SPMIP2: variants seen among roughly 807,000 people sequenced by gnomAD.
The protein encoded by SPMIP2 is sperm microtubule inner protein 2, also known as protein SPMIP2.
chr4:158,948,698 G>A, the SPMIP2 span, among the ~76,000 whole-genome samples: 3 of 151,004 alleles, frequency 2.0e-5, no homozygotes, highest in Non-Finnish European at 4.4e-5. Flanking sequence ...TGGCAGCTTC[G>A]ATCTCCCAAA....
At chr4:158,988,584 C>G in the SPMIP2 span, among the ~76,000 whole-genome samples, 1 of 152,216 alleles carries the variant, frequency 6.6e-6, no homozygotes, top group South Asian at 2.1e-4. Context: ...CTGGTTCAAC[C>G]TACACAAATC....
At chr4:158,995,978 G>A in the SPMIP2 span, among the ~76,000 whole-genome samples, 27 of 151,618 alleles carry the variant, frequency 1.8e-4, no homozygotes, top group East Asian at 1.9e-4. Context: ...TTTCCTAGCC[G>A]TTTCGTGACT....
At chr4:158,937,252 A>G in the SPMIP2 span, among the ~76,000 whole-genome samples, 1 of 152,246 alleles carries the variant, frequency 6.6e-6, no homozygotes, top group Non-Finnish European at 1.5e-5. Flanking sequence ...TCAAAACAGG[A>G]AGTTATCTTT....
chr4:158,904,775 C>A, the SPMIP2 span: 1 of 495,354 alleles, frequency 2.0e-6, no homozygotes, highest in Non-Finnish European at 3.6e-6. Context: ...CATTTGTTAC[C>A]CATGAATCAA....
At chr4:159,020,495 C>A in the SPMIP2 span, among the ~76,000 whole-genome samples, 1 of 152,170 alleles carries the variant, frequency 6.6e-6, no homozygotes, top group African/African-American at 2.4e-5. Context: ...GGAGATGTGA[C>A]AAAGTGAGTG....
At chr4:158,896,232 C>G in the SPMIP2 span, among the ~76,000 whole-genome samples, 1 of 152,162 alleles carries the variant, frequency 6.6e-6, no homozygotes, top group African/African-American at 2.4e-5. Flanking sequence ...TTACATTTCA[C>G]TTCCTGGAGG....
chr4:158,893,621 A>G, the SPMIP2 span: 1 of 1,258,706 alleles, frequency 7.9e-7, no homozygotes, highest in Non-Finnish European at 1.1e-6. Context: ...GCACTTGTGG[A>G]TTATTATGAT....
chr4:159,026,405 A>C, the SPMIP2 span: 3 of 970,498 alleles, frequency 3.1e-6, no homozygotes, highest in Non-Finnish European at 4.8e-6. Flanking sequence ...TCATTGGTTC[A>C]GCATCAGGAG....
At chr4:159,075,537 C>T in the SPMIP2 span, among the ~76,000 whole-genome samples, 1 of 152,140 alleles carries the variant, frequency 6.6e-6, no homozygotes, top group African/African-American at 2.4e-5. Context: ...AAAGAGACAG[C>T]GTGGCATAAT....
chr4:159,077,115 C>T, the SPMIP2 span, among the ~76,000 whole-genome samples: 23 of 149,484 alleles, frequency 1.5e-4, no homozygotes, highest in South Asian at 4.3e-4. Context: ...GGATTACAGG[C>T]GCGAGCCACT....
At chr4:159,026,318 G>A in the SPMIP2 span, 9 of 607,780 alleles carry the variant, frequency 1.5e-5, no homozygotes, top group South Asian at 6.1e-5. Flanking sequence ...CAGTTTTCTC[G>A]TACCCTGGGA....
At chr4:159,038,231 A>G in the SPMIP2 span, among the ~76,000 whole-genome samples, 1 of 152,236 alleles carries the variant, frequency 6.6e-6, no homozygotes, top group Admixed American at 6.5e-5. Flanking sequence ...CCCTGCCACC[A>G]TCATGGTTAT....
the SPMIP2 span, among the ~76,000 whole-genome samples, chr4:159,078,541 A>G: frequency 1.3e-5 from 2 of 152,220 alleles, no homozygotes; most frequent in South Asian, 2.1e-4. Context: ...TAAGTTGGTC[A>G]GCACTTTTTA....
the SPMIP2 span, chr4:159,064,257 A>T: frequency 1.3e-5 from 2 of 152,074 alleles, no homozygotes; most frequent in African/African-American, 4.8e-5. Context: ...TTTCTTCCAC[A>T]TCTTCCATTT....
chr4:158,910,784 C>T, the SPMIP2 span, among the ~76,000 whole-genome samples: 5 of 152,202 alleles, frequency 3.3e-5, no homozygotes, highest in Non-Finnish European at 7.3e-5. Flanking sequence ...GGTCTCCATC[C>T]TGTTGGCTCA....
the SPMIP2 span, among the ~76,000 whole-genome samples, chr4:159,022,740 A>G: frequency 2.0e-4 from 31 of 152,212 alleles, no homozygotes; most frequent in Non-Finnish European, 3.1e-4. Context: ...GATGGTTAAT[A>G]TCGTGTGTTG....
chr4:159,055,276 A>G, the SPMIP2 span, among the ~76,000 whole-genome samples: 26 of 152,346 alleles, frequency 1.7e-4, no homozygotes, highest in Non-Finnish European at 3.7e-4. Flanking sequence ...GTTTGAGGAC[A>G]CCACCTGACT....
chr4:159,005,131 T>C, the SPMIP2 span, among the ~76,000 whole-genome samples: 1 of 118,198 alleles, frequency 8.5e-6, no homozygotes, highest in African/African-American at 3.4e-5. Context: ...CTCAAGAGGC[T>C]GAGGCAGAAG....
chr4:159,044,368 C>CAAAA, the SPMIP2 span, among the ~76,000 whole-genome samples: 3 of 100,254 alleles, frequency 3.0e-5, no homozygotes, highest in Non-Finnish European at 4.2e-5. Context: ...GACTCCATCT[C>CAAAA]AAAAAAAAAA....
Sources: gnomAD v4.1 joint callset for allele counts (sites outside exome capture counted in the v4.1 genomes callset) on GRCh38, gnomAD v4.1.1 for gene constraint, MANE v1.5 for transcripts, NCBI Gene and HGNC (gene_info 2026-07-23, HGNC 2026-07-21) for gene names.